The following RALYL variants were observed in gnomAD, a reference collection of about 807,000 sequenced individuals.
RALYL encodes RNA-binding Raly-like protein.
Under a neutral mutation model 35.1 loss-of-function variants are expected in RALYL, and 29 were observed. That is an observed-to-expected ratio of 0.83 (90% CI 0.61 to 1.13). RALYL has a LOEUF of 1.13. RALYL is among the 50% of genes most tolerant of loss of function. The pLI is 0.00. For missense variants in RALYL, 359 were observed against 360.4 expected (o/e 1.00, Z 0.03); for synonymous variants, 120 against 127.6 (o/e 0.94, Z 0.40).
chr8:84,498,249 T>A (rs1334211344), intron 1 of RALYL, among the ~76,000 whole-genome samples: 1 of 152,020 alleles, frequency 6.6e-6, no homozygotes. Context: ...TCCAAATGAA[T>A]ATGCTCTCTT....
rs1284107661 is a variant in RALYL, at chr8:84,493,071, C to G, written c.-23-36228C>G. On this transcript the variant is annotated intron_variant, in intron 1 of 8. Coordinates refer to ENST00000521268, the MANE Select transcript of RALYL (RefSeq NM_173848.7). Reference sequence around the variant, plus strand: ...TTGTCCTGATGCTCTCCCTTCCCTCCCCTGCCCTGCTGACAGGTCTGGTAT... The same window carrying G: ...TTGTCCTGATGCTCTCCCTTCCCTCGCCTGCCCTGCTGACAGGTCTGGTAT... Among the ~76,000 whole-genome samples the G allele has an allele frequency of 2.0e-5, 3 of 152,078 alleles. 1 individual carries two copies. The highest frequency in any genetic ancestry group is 7.2e-5 in the African/African-American group (3 of 41,424).
chr8:84,627,677 C>T (rs757946355), intron 2 of RALYL, among the ~76,000 whole-genome samples: 33 of 151,676 alleles, frequency 2.2e-4, no homozygotes, highest in Admixed American at 1.4e-3. Flanking sequence ...ATTTATTTCT[C>T]TAGCTCAGAC....
At chr8:84,569,713 G>A (rs1807450830) in intron 2 of RALYL, among the ~76,000 whole-genome samples, 1 of 151,812 alleles carries the variant, frequency 6.6e-6, no homozygotes, top group Non-Finnish European at 1.5e-5. Context: ...GATTTTTATA[G>A]TTTTAGGTCA....
chr8:84,453,789 G>T (rs1287153062), intron 1 of RALYL, among the ~76,000 whole-genome samples: 1 of 151,960 alleles, frequency 6.6e-6, no homozygotes, highest in Non-Finnish European at 1.5e-5. Flanking sequence ...GGTTTTGTTG[G>T]CTTAAAAAAT....
At chr8:84,723,757 A>T (rs745406440) in intron 2 of RALYL, among the ~76,000 whole-genome samples, 3 of 151,890 alleles carry the variant, frequency 2.0e-5, no homozygotes, top group Non-Finnish European at 4.4e-5. Flanking sequence ...TTTAACATCA[A>T]TCTTTAAGTA....
rs146510352 is a variant in RALYL, at chr8:84,865,001, G to A, written c.571+2548G>A. 506 of 196,120 alleles carry A rather than the reference G, an allele frequency of 2.6e-3. 6 individuals are homozygous for A. Among genetic ancestry groups the A allele is most frequent in the African/African-American group, 0.011 (487 of 42,958 alleles). The allele number at this position is 196,120 out of a possible 1,614,324, so 12.1% of individuals were successfully genotyped here. A position where few individuals can be genotyped will look rare whatever the true frequency, so the allele number is the denominator to read the frequency against. On this transcript the variant is annotated intron_variant, in intron 6 of 8. Transcript: ENST00000521268. ...AGTCACAAAAGCTAACTGTTGATTA[G>A]TGTTACTTTAGTGAAACATTAATAA... is the stretch of plus-strand genomic sequence containing the variant.
At chr8:84,705,752 C>T (rs776886167) in intron 2 of RALYL, among the ~76,000 whole-genome samples, 85 of 152,106 alleles carry the variant, frequency 5.6e-4, no homozygotes, top group Admixed American at 2.9e-3. Context: ...TTTAGTAGTA[C>T]AGATTTCATT....
intron 2 of RALYL, among the ~76,000 whole-genome samples, chr8:84,618,434 G>C (rs1180800292): frequency 6.6e-6 from 1 of 150,442 alleles, no homozygotes; most frequent in Non-Finnish European, 1.5e-5. Flanking sequence ...GGGATTGGTG[G>C]TGATATCCCC....
chr8:84,518,352 G>C (rs895994816), intron 1 of RALYL, among the ~76,000 whole-genome samples: 5 of 152,140 alleles, frequency 3.3e-5, no homozygotes, highest in African/African-American at 1.2e-4. Flanking sequence ...GAAGGGAGAA[G>C]TGGAAACTCA....
chr8:84,587,811 T>C (rs113998353), intron 2 of RALYL, among the ~76,000 whole-genome samples: 2,311 of 152,302 alleles, frequency 0.015, 67 homozygotes, highest in African/African-American at 0.053. Flanking sequence ...TAGCCCACAT[T>C]CTACTAAGGA....
chr8:84,484,255 G>C (rs1251427314), intron 1 of RALYL, among the ~76,000 whole-genome samples: 1 of 152,006 alleles, frequency 6.6e-6, no homozygotes, highest in East Asian at 1.9e-4. Context: ...CAAGGGATAA[G>C]GCTAGGTACT....
intron 1 of RALYL, among the ~76,000 whole-genome samples, chr8:84,339,659 A>T (rs1848431616): frequency 6.6e-6 from 1 of 151,932 alleles, no homozygotes; most frequent in South Asian, 2.1e-4. Flanking sequence ...TTTGTGGAAA[A>T]ATGGTCTTCT....
At chr8:84,559,809 G>T (rs1356627929) in intron 2 of RALYL, among the ~76,000 whole-genome samples, 1 of 151,830 alleles carries the variant, frequency 6.6e-6, no homozygotes, top group East Asian at 1.9e-4. Flanking sequence ...ATAAAATCAG[G>T]TCAGAGTAGC....
chr8:84,664,767 T>C (rs932200470), intron 2 of RALYL, among the ~76,000 whole-genome samples: 1 of 152,150 alleles, frequency 6.6e-6, no homozygotes, highest in Non-Finnish European at 1.5e-5. Context: ...TCGTGTCATC[T>C]ACAAACAGGG....
At chr8:84,592,453 CTATA>C (rs1425496392) in intron 2 of RALYL, among the ~76,000 whole-genome samples, 2 of 152,014 alleles carry the variant, frequency 1.3e-5, no homozygotes, top group African/African-American at 4.8e-5. Context: ...ACAGATCTGT[CTATA>C]TAAGATATCC....
chr8:84,591,686 C>T (rs1300442997), intron 2 of RALYL, among the ~76,000 whole-genome samples: 2 of 152,146 alleles, frequency 1.3e-5, no homozygotes, highest in Non-Finnish European at 2.9e-5. Context: ...AATCGTCTCC[C>T]AATATCACTC....
chr8:84,844,385 C>T (rs551297801), intron 4 of RALYL, among the ~76,000 whole-genome samples: 9 of 152,272 alleles, frequency 5.9e-5, no homozygotes, highest in African/African-American at 2.2e-4. Context: ...CCATCACTGG[C>T]CATCAGAGAA....
chr8:84,583,473 A>G (rs996256099), intron 2 of RALYL, among the ~76,000 whole-genome samples: 1 of 152,160 alleles, frequency 6.6e-6, no homozygotes, highest in Non-Finnish European at 1.5e-5. Flanking sequence ...TTCAGATATC[A>G]TGTTCCTAAT....
At chr8:84,579,862 G>T (rs1391930296) in intron 2 of RALYL, among the ~76,000 whole-genome samples, 1 of 152,076 alleles carries the variant, frequency 6.6e-6, no homozygotes, top group East Asian at 1.9e-4. Context: ...ATGAATCACA[G>T]ATATGAGCTA....
Sources: gnomAD v4.1 joint callset for allele counts (sites outside exome capture counted in the v4.1 genomes callset) on GRCh38, gnomAD v4.1.1 for gene constraint, MANE v1.5 for transcripts, NCBI Gene and HGNC (gene_info 2026-07-23, HGNC 2026-07-21) for gene names.